Variants in KCTD16 observed in about 807,000 individuals in gnomAD.
The protein encoded by KCTD16 is BTB/POZ domain-containing protein KCTD16.
In KCTD16, 13 loss-of-function variants were observed where a neutral mutation model predicts 33.2. The observed-to-expected ratio is 0.39, with a 90% confidence interval of 0.25 to 0.62. The LOEUF (loss-of-function observed/expected upper bound fraction) is 0.62. Ranked by LOEUF, KCTD16 falls within the 20% of genes least tolerant of loss-of-function variation. The pLI is 0.50. For synonymous variants in KCTD16, 197 were observed against 195.3 expected, an observed-to-expected ratio of 1.01 and a Z score of -0.07; for missense variants, 441 against 525.1, an observed-to-expected ratio of 0.84 and a Z score of 1.57.
At chr5:144,364,885 T>C (rs1751797489) in intron 3 of KCTD16, among the ~76,000 whole-genome samples, 1 of 152,214 alleles carries the variant, frequency 6.6e-6, no homozygotes, top group South Asian at 2.1e-4. Flanking sequence ...TTCTGTTCTT[T>C]TTTTACTTTA....
chr5:144,318,002 T>G (rs1751968818), intron 3 of KCTD16, among the ~76,000 whole-genome samples: 1 of 152,196 alleles, frequency 6.6e-6, no homozygotes. Context: ...ACAAATGATT[T>G]GGGGGAAGCA....
chr5:144,390,007 G>A (rs1373203990), intron 3 of KCTD16, among the ~76,000 whole-genome samples: 1 of 152,192 alleles, frequency 6.6e-6, no homozygotes, highest in African/African-American at 2.4e-5. Flanking sequence ...CTCTATGGCA[G>A]CTCTTGAGGA....
intron 3 of KCTD16, among the ~76,000 whole-genome samples, chr5:144,387,741 T>A (rs1201409893): frequency 6.6e-6 from 1 of 152,210 alleles, no homozygotes; most frequent in Admixed American, 6.5e-5. Flanking sequence ...AATGGGTTTC[T>A]ATGCCACTTA....
At chr5:144,249,825 A>G (rs528655780) in intron 3 of KCTD16, among the ~76,000 whole-genome samples, 3 of 152,282 alleles carry the variant, frequency 2.0e-5, no homozygotes, top group Non-Finnish European at 4.4e-5. Flanking sequence ...CTGACTTTGA[A>G]CCTATGTCTC....
intron 3 of KCTD16, among the ~76,000 whole-genome samples, chr5:144,461,926 A>G (rs906058121): frequency 5.9e-5 from 9 of 152,172 alleles, no homozygotes; most frequent in African/African-American, 1.7e-4. Flanking sequence ...TCCTCCAGAA[A>G]GACTGCCAGA....
At chr5:144,343,677 G>A (rs1322215682) in intron 3 of KCTD16, among the ~76,000 whole-genome samples, 1 of 152,084 alleles carries the variant, frequency 6.6e-6, no homozygotes, top group Admixed American at 6.5e-5. Context: ...ATGTTAGGGT[G>A]TCAATTTTGG....
intron 3 of KCTD16, among the ~76,000 whole-genome samples, chr5:144,299,062 A>T (rs1389001424): frequency 1.1e-5 from 1 of 88,398 alleles, no homozygotes; most frequent in African/African-American, 4.7e-5. Context: ...ATATATATAT[A>T]TATATATATA....
chr5:144,257,729 C>T lies in KCTD16; in HGVS notation c.832+50183C>T, dbSNP rs192278394. Among the ~76,000 whole-genome samples, 646 of 152,184 alleles carry T rather than the reference C, an allele frequency of 4.2e-3. 28 individuals carry two copies. The highest frequency in any genetic ancestry group is 0.039 in the Admixed American group (593 of 15,296). Reference sequence around the variant, plus strand: ...GTCTCGATCTCCTGACCTCGTGATCCGCCTGCCTCAGCCTCCCAAAGTGCT... The same window carrying T: ...GTCTCGATCTCCTGACCTCGTGATCTGCCTGCCTCAGCCTCCCAAAGTGCT... On this transcript the variant is annotated intron_variant, in intron 3 of 3. Coordinates refer to ENST00000512467, the MANE Select transcript of KCTD16 (RefSeq NM_020768.4).
chr5:144,335,634 G>C (rs1254476828), intron 3 of KCTD16, among the ~76,000 whole-genome samples: 7 of 152,196 alleles, frequency 4.6e-5, no homozygotes, highest in African/African-American at 1.7e-4. Context: ...GACAGGTGCT[G>C]AGTCCAGGGA....
chr5:144,374,413 G>A lies in KCTD16; in HGVS notation c.833-99247G>A, dbSNP rs147339312. On this transcript the variant is annotated intron_variant, in intron 3 of 3. Transcript: ENST00000512467. The stretch of plus-strand genomic sequence containing the variant: ...AGATCTAGCATTACTAGGGGAAGGC[G>A]ACAGTGAGGTTGGATAGCAAGGTTT... Among the ~76,000 whole-genome samples the A allele has an allele frequency of 5.8e-3, 879 of 152,246 alleles. 8 individuals are homozygous for A. Among genetic ancestry groups the A allele is most frequent in the Non-Finnish European group, 5.5e-3 (371 of 68,026 alleles).
chr5:144,360,638 G>A (rs970352169), intron 3 of KCTD16, among the ~76,000 whole-genome samples: 4 of 152,020 alleles, frequency 2.6e-5, no homozygotes, highest in Admixed American at 1.3e-4. Flanking sequence ...CACCATATTG[G>A]CCAGGCTGCT....
At chr5:144,465,660 C>G (rs1754312521) in intron 3 of KCTD16, among the ~76,000 whole-genome samples, 1 of 152,050 alleles carries the variant, frequency 6.6e-6, no homozygotes, top group African/African-American at 2.4e-5. Context: ...TCTGGTCAAC[C>G]CTCATTCCCT....
At chr5:144,447,661 G>A (rs1262274601) in intron 3 of KCTD16, among the ~76,000 whole-genome samples, 1 of 151,966 alleles carries the variant, frequency 6.6e-6, no homozygotes, top group Non-Finnish European at 1.5e-5. Context: ...AGACAGGGTA[G>A]ATATTCACTA....
chr5:144,402,761 C>T (rs2126947412), intron 3 of KCTD16, among the ~76,000 whole-genome samples: 1 of 152,202 alleles, frequency 6.6e-6, no homozygotes, highest in Non-Finnish European at 1.5e-5. Flanking sequence ...TCACAAATAT[C>T]AATGGAAAAC....
intron 2 of KCTD16, 22 bp from the exon 3 acceptor site, chr5:144,206,367 A>C (rs952003668): frequency 2.0e-5 from 4 of 199,488 alleles, no homozygotes; most frequent in Non-Finnish European, 4.0e-5. Flanking sequence ...TTGAGGAAAT[A>C]ATTTTTTCTC....
chr5:144,212,711 C>T (rs761774357), intron 3 of KCTD16, among the ~76,000 whole-genome samples: 13 of 152,332 alleles, frequency 8.5e-5, no homozygotes, highest in Non-Finnish European at 1.5e-4. Flanking sequence ...TGCATCATAA[C>T]GCACTGTTGC....
chr5:144,455,054 TTGG>T (rs1163811117), intron 3 of KCTD16, among the ~76,000 whole-genome samples: 1 of 151,958 alleles, frequency 6.6e-6, no homozygotes, highest in African/African-American at 2.4e-5. Context: ...GGTACAAGCT[TTGG>T]TGCTTGAGAA....
chr5:144,330,847 C>A (rs570515373), intron 3 of KCTD16, among the ~76,000 whole-genome samples: 1 of 152,118 alleles, frequency 6.6e-6, no homozygotes, highest in African/African-American at 2.4e-5. Flanking sequence ...TTAATCTTTC[C>A]GTATCTTTTT....
chr5:144,208,496 C>T lies in KCTD16; in HGVS notation c.832+950C>T, dbSNP rs566458666. Among the ~76,000 whole-genome samples, 14 of 152,298 alleles carry T rather than the reference C, an allele frequency of 9.2e-5. No homozygotes were observed. In the South Asian group the frequency reaches 1.2e-3, roughly 14 times the overall value. Reference sequence around the variant, plus strand: ...CTCTTTGGTACTTGATTTTAACTGCCGATTTTCAACAGGCCCAGGAGTTGG... The same window carrying T: ...CTCTTTGGTACTTGATTTTAACTGCTGATTTTCAACAGGCCCAGGAGTTGG... On this transcript the variant is annotated intron_variant, in intron 3 of 3. Coordinates refer to ENST00000512467, the MANE Select transcript of KCTD16 (RefSeq NM_020768.4).
Sources: gnomAD v4.1 joint callset for allele counts (sites outside exome capture counted in the v4.1 genomes callset) on GRCh38, gnomAD v4.1.1 for gene constraint, MANE v1.5 for transcripts, NCBI Gene and HGNC (gene_info 2026-07-23, HGNC 2026-07-21) for gene names.